SMC1B: variants seen among roughly 807,000 people sequenced by gnomAD.
SMC1B encodes structural maintenance of chromosomes 1B.
SMC1B carries 60 observed loss-of-function variants against 157.9 expected under a neutral mutation model. The ratio of observed to expected loss-of-function variants is 0.38; its 90% CI spans 0.31 to 0.47. The LOEUF (loss-of-function observed/expected upper bound fraction) is 0.47, where lower values mean the gene tolerates loss of function less well. Among genes scored for constraint, SMC1B ranks in the 20% least tolerant of loss-of-function variants. The pLI is 0.99. For synonymous variants in SMC1B, 445 were observed against 483.0 expected (o/e 0.92, Z 1.03); for missense variants, 1,165 against 1,426.2 (o/e 0.82, Z 2.95).
At chr22:45,367,422 C>T (rs2086787160) in intron 15 of SMC1B, among the ~76,000 whole-genome samples, 1 of 152,092 alleles carries the variant, frequency 6.6e-6, no homozygotes. Flanking sequence ...AAGGGGATAT[C>T]CTGACAATTT....
At chr22:45,349,874 T>C in intron 22 of SMC1B, 77 bp from the exon 23 acceptor site, 1 of 1,122,050 alleles carries the variant, frequency 8.9e-7, no homozygotes, top group Non-Finnish European at 1.3e-6. Flanking sequence ...AGATTAACAG[T>C]ATTCAGAATA....
intron 5 of SMC1B, among the ~76,000 whole-genome samples, chr22:45,401,014 C>T (rs949508618): frequency 6.6e-6 from 1 of 151,978 alleles, no homozygotes; most frequent in African/African-American, 2.4e-5. Context: ...TAAAAGGTGC[C>T]TAAGGAGACA....
chr22:45,346,582 C>A (rs2086554258), intron 23 of SMC1B, among the ~76,000 whole-genome samples: 1 of 152,126 alleles, frequency 6.6e-6, no homozygotes, highest in Non-Finnish European at 1.5e-5. Flanking sequence ...ATGGTAGCTT[C>A]CATTGAGGAA....
intron 11 of SMC1B, among the ~76,000 whole-genome samples, chr22:45,386,364 A>G (rs1314408684): frequency 6.6e-6 from 1 of 151,736 alleles, no homozygotes; most frequent in Admixed American, 6.6e-5. Context: ...TAAGACCAAA[A>G]TTATTCCCTC....
chr22:45,363,263 T>A (rs2086738916), intron 15 of SMC1B, among the ~76,000 whole-genome samples: 1 of 152,234 alleles, frequency 6.6e-6, no homozygotes, highest in Non-Finnish European at 1.5e-5. Context: ...CATGATGTAA[T>A]TTCACCTGTA....
At chr22:45,411,961 C>A (rs895895447) in intron 1 of SMC1B, among the ~76,000 whole-genome samples, 1 of 152,188 alleles carries the variant, frequency 6.6e-6, no homozygotes, top group Middle Eastern at 3.4e-3. Flanking sequence ...TCACTGCAAC[C>A]TCCGCCTCCC....
intron 12 of SMC1B, among the ~76,000 whole-genome samples, chr22:45,374,028 A>G (rs1008170147): frequency 6.6e-6 from 1 of 151,956 alleles, no homozygotes; most frequent in African/African-American, 2.4e-5. Flanking sequence ...GTTATGTATA[A>G]AACAAGGTAA....
chr22:45,394,743 G>T lies in SMC1B; in HGVS notation c.1279C>A (p.Gln427Lys). 1 of 1,552,276 alleles carries T rather than the reference G, an allele frequency of 6.4e-7. No homozygotes were observed. Among genetic ancestry groups the T allele is most frequent in the Non-Finnish European group, 8.8e-7 (1 of 1,142,768 alleles). ...ATTCGTTTTTTATGATCTTCTATTT[G>T]TTCTTTTATTTGTTTTAGATTTCCC... Reference protein sequence around the residue: ...VQGNLKQIKEQIEDHKKRIEK... With the variant: ...VQGNLKQIKEKIEDHKKRIEK... Residue 427 changes from glutamine to lysine, a missense_variant, in exon 8 of 25, where the codon CAA becomes AAA. Transcript: ENST00000357450.
At chr22:45,390,094 T>A (rs1000355886) in intron 9 of SMC1B, among the ~76,000 whole-genome samples, 197 bp from the exon 10 acceptor site, 2 of 152,012 alleles carry the variant, frequency 1.3e-5, no homozygotes, top group African/African-American at 4.8e-5. Flanking sequence ...ACACTTCATT[T>A]AAAAAAAGAG....
intron 22 of SMC1B, 88 bp downstream of exon 22, chr22:45,352,360 TTAA>T: frequency 8.3e-7 from 1 of 1,199,938 alleles, no homozygotes. Context: ...TTGCTAAATA[TTAA>T]TAAAGACAAT....
chr22:45,378,211 T>C (rs987111939), intron 12 of SMC1B, among the ~76,000 whole-genome samples: 12 of 152,208 alleles, frequency 7.9e-5, no homozygotes, highest in Non-Finnish European at 1.8e-4. Flanking sequence ...TTTTGAAATA[T>C]TTTGTAATTT....
chr22:45,347,981 C>A (rs2086569300), intron 23 of SMC1B, among the ~76,000 whole-genome samples: 1 of 152,174 alleles, frequency 6.6e-6, no homozygotes, highest in Non-Finnish European at 1.5e-5. Context: ...TTCCCCTGGG[C>A]AGTGTCGGGC....
intron 9 of SMC1B, among the ~76,000 whole-genome samples, chr22:45,390,283 C>T (rs909947832): frequency 3.4e-4 from 52 of 151,946 alleles, no homozygotes; most frequent in African/African-American, 1.2e-3. Context: ...TTTCTGACCT[C>T]ACAGAATTTT....
chr22:45,348,275 G>A (rs1407128589), intron 23 of SMC1B, among the ~76,000 whole-genome samples: 1 of 152,198 alleles, frequency 6.6e-6, no homozygotes, highest in Admixed American at 6.5e-5. Flanking sequence ...AAGTAGGGCT[G>A]GTGTGGTGGC....
intron 15 of SMC1B, among the ~76,000 whole-genome samples, chr22:45,364,416 C>T (rs2086752807): frequency 1.3e-5 from 2 of 152,264 alleles, no homozygotes; most frequent in Non-Finnish European, 2.9e-5. Context: ...TTACTATATA[C>T]CTGACAGTGT....
At chr22:45,378,193 T>C (rs1645259321) in intron 12 of SMC1B, among the ~76,000 whole-genome samples, 1 of 152,198 alleles carries the variant, frequency 6.6e-6, no homozygotes, top group African/African-American at 2.4e-5. Context: ...TATATTCCTA[T>C]TCATCAGTTT....
At chr22:45,372,697 C>T (rs922281966) in intron 12 of SMC1B, among the ~76,000 whole-genome samples, 2 of 148,932 alleles carry the variant, frequency 1.3e-5, no homozygotes, top group African/African-American at 5.0e-5. Context: ...TCAGACACTC[C>T]CTCCCATTGA....
chr22:45,357,311 A>G (rs2086679428), intron 19 of SMC1B, among the ~76,000 whole-genome samples: 1 of 152,254 alleles, frequency 6.6e-6, no homozygotes, highest in South Asian at 2.1e-4. Context: ...ATGTATGGCT[A>G]CAGGGATGAC....
At chr22:45,360,774 AG>A (rs1331263543) in intron 17 of SMC1B, among the ~76,000 whole-genome samples, 77 of 152,378 alleles carry the variant, frequency 5.1e-4, no homozygotes, top group African/African-American at 1.6e-3. Context: ...GAAACACCGA[AG>A]GTCTTCGAAC....
Sources: gnomAD v4.1 joint callset for allele counts (sites outside exome capture counted in the v4.1 genomes callset) on GRCh38, gnomAD v4.1.1 for gene constraint, MANE v1.5 for transcripts, NCBI Gene and HGNC (gene_info 2026-07-23, HGNC 2026-07-21) for gene names.